WDPCP: variants seen among roughly 807,000 people sequenced by gnomAD.
WDPCP encodes the protein WD repeat-containing and planar cell polarity effector protein fritz homolog.
Under a neutral mutation model 93.1 loss-of-function variants are expected in WDPCP, and 71 were observed. That is an observed-to-expected ratio of 0.76 (90% CI 0.63 to 0.93). The LOEUF is 0.93. Among genes scored for constraint, WDPCP ranks in the 40% least tolerant of loss-of-function variants. The pLI is 0.00. For synonymous variants in WDPCP, 315 were observed against 315.0 expected (o/e 1.00, Z 0.00); for missense variants, 844 against 887.4 (o/e 0.95, Z 0.62).
intron 9 of WDPCP, among the ~76,000 whole-genome samples, chr2:63,405,532 AGTGT>A (rs55807956): frequency 0.12 from 15,421 of 124,836 alleles, 898 homozygotes; most frequent in South Asian, 0.18. Flanking sequence ...ATTTTGGTAT[AGTGT>A]GTGTGTGTGT....
chr2:63,671,042 T>C (rs1265319857), intron 2 of WDPCP, among the ~76,000 whole-genome samples: 1 of 152,206 alleles, frequency 6.6e-6, no homozygotes, highest in African/African-American at 2.4e-5. Context: ...GAACCTTTAA[T>C]TCTGTCCCTA....
At chr2:63,269,308 A>G (rs1033334510) in intron 13 of WDPCP, among the ~76,000 whole-genome samples, 6 of 152,284 alleles carry the variant, frequency 3.9e-5, no homozygotes, top group African/African-American at 9.6e-5. Flanking sequence ...TCATTTGCCA[A>G]TTTGACTTAT....
At chr2:63,622,080 T>TTTGTA in intron 3 of WDPCP, 7 of 1,090,836 alleles carry the variant, frequency 6.4e-6, no homozygotes, top group South Asian at 3.8e-5. Flanking sequence ...TTTTTTTTTT[T>TTTGTA]TTTTGGAAGT....
chr2:63,677,373 G>C (rs7601187), intron 2 of WDPCP, among the ~76,000 whole-genome samples: 7,432 of 152,106 alleles, frequency 0.049, 310 homozygotes, highest in African/African-American at 0.11. Flanking sequence ...AATAGACACA[G>C]ATCCACAGAA....
intron 2 of WDPCP, among the ~76,000 whole-genome samples, chr2:63,688,383 C>G (rs969692458): frequency 6.6e-6 from 1 of 151,472 alleles, no homozygotes; most frequent in African/African-American, 2.4e-5. Context: ...GCCGAGATCG[C>G]TCCACTGTAG....
intron 12 of WDPCP, among the ~76,000 whole-genome samples, chr2:63,364,428 T>C (rs1690735516): frequency 6.6e-6 from 1 of 152,248 alleles, no homozygotes; most frequent in African/African-American, 2.4e-5. Context: ...CTGTCTTCTA[T>C]ATCAAATACA....
chr2:63,601,648 G>A (rs185299721), intron 3 of WDPCP, among the ~76,000 whole-genome samples: 6 of 152,272 alleles, frequency 3.9e-5, no homozygotes, highest in African/African-American at 1.4e-4. Flanking sequence ...TTGCTGTCCA[G>A]ACAGAACTGG....
intron 2 of WDPCP, among the ~76,000 whole-genome samples, chr2:63,724,465 T>A (rs949176523): frequency 8.5e-5 from 13 of 152,186 alleles, no homozygotes; most frequent in Non-Finnish European, 1.8e-4. Context: ...GCGCCTGACT[T>A]AAATAGTCAT....
At chr2:63,750,444 A>C (rs960286360) in intron 2 of WDPCP, among the ~76,000 whole-genome samples, 4 of 151,988 alleles carry the variant, frequency 2.6e-5, no homozygotes, top group African/African-American at 7.2e-5. Flanking sequence ...AAAAAAAAAA[A>C]CCTGAATACA....
chr2:63,326,737 A>G (rs949700724), intron 12 of WDPCP, among the ~76,000 whole-genome samples: 8 of 152,016 alleles, frequency 5.3e-5, no homozygotes, highest in Admixed American at 1.3e-4. Flanking sequence ...AGGAAGGAAC[A>G]GAAGAAAGTC....
intron 14 of WDPCP, chr2:63,233,397 A>C (rs1679103530): frequency 4.5e-6 from 1 of 223,344 alleles, no homozygotes; most frequent in African/African-American, 2.3e-5. Context: ...ACACAGTTCA[A>C]GAGTGGGACC....
intron 2 of WDPCP, among the ~76,000 whole-genome samples, chr2:63,790,849 TA>T (rs1319125098): frequency 6.6e-6 from 1 of 152,178 alleles, no homozygotes; most frequent in African/African-American, 2.4e-5. Flanking sequence ...TAAGGGGAAA[TA>T]TTTTTAGTGG....
At chr2:63,500,459 G>GTC (rs1449353420) in intron 1 of WDPCP, among the ~76,000 whole-genome samples, 4 of 151,472 alleles carry the variant, frequency 2.6e-5, no homozygotes, top group Non-Finnish European at 5.9e-5. Flanking sequence ...GTGGGGGTGT[G>GTC]TGTGTGTGTG....
At chr2:63,396,314 A>G (rs1369193049) in intron 10 of WDPCP, among the ~76,000 whole-genome samples, 1 of 152,220 alleles carries the variant, frequency 6.6e-6, no homozygotes, top group East Asian at 1.9e-4. Context: ...CAAATTTCCA[A>G]GAGAAAAATC....
chr2:63,204,862 C>G (rs1460895403), intron 14 of WDPCP, among the ~76,000 whole-genome samples: 1 of 152,014 alleles, frequency 6.6e-6, no homozygotes, highest in African/African-American at 2.4e-5. Context: ...TTGATATGAT[C>G]CCATTTGTCC....
At position 63,510,837 on chromosome 2, in the gene WDPCP, G is replaced by A. The variant is rs560623434; in HGVS notation, c.76-17897C>T. Among the ~76,000 whole-genome samples, 193 of 152,198 alleles carry A rather than the reference G, an allele frequency of 1.3e-3. 3 individuals carry two copies. Among genetic ancestry groups the A allele is most frequent in the Admixed American group, 1.3e-3 (20 of 15,272 alleles). The stretch of plus-strand genomic sequence containing the variant: ...AAATACCAAAAAAAATTCACCAGGC[G>A]TGGTGGCGGGTGCCTGTAGTCCCAG... On this transcript the variant is annotated intron_variant, in intron 1 of 17. Transcript: ENST00000272321.
intron 2 of WDPCP, among the ~76,000 whole-genome samples, chr2:63,733,668 C>T (rs1224966646): frequency 6.6e-6 from 1 of 152,202 alleles, no homozygotes; most frequent in African/African-American, 2.4e-5. Context: ...ACTGTCTTCT[C>T]TGTACTTGTC....
intron 12 of WDPCP, among the ~76,000 whole-genome samples, chr2:63,363,103 A>G (rs1282620662): frequency 2.0e-5 from 3 of 152,122 alleles, no homozygotes; most frequent in Non-Finnish European, 2.9e-5. Context: ...TTGTTTTTGT[A>G]AAATGTATCT....
At chr2:63,638,081 GA>G (rs1316975687) in intron 3 of WDPCP, among the ~76,000 whole-genome samples, 1 of 152,142 alleles carries the variant, frequency 6.6e-6, no homozygotes, top group Non-Finnish European at 1.5e-5. Context: ...GTCATAAAAT[GA>G]AGGAAATACT....
Sources: gnomAD v4.1 joint callset for allele counts (sites outside exome capture counted in the v4.1 genomes callset) on GRCh38, gnomAD v4.1.1 for gene constraint, MANE v1.5 for transcripts, NCBI Gene and HGNC (gene_info 2026-07-23, HGNC 2026-07-21) for gene names.